Variants in FRMD5 observed in about 807,000 individuals in gnomAD.
FRMD5 encodes the protein FERM domain-containing protein 5.
A neutral mutation model predicts 69.0 loss-of-function variants in FRMD5; 20 were observed. The observed-to-expected ratio is 0.29, with a 90% CI of 0.20 to 0.42. The LOEUF (loss-of-function observed/expected upper bound fraction) is 0.42. FRMD5 is among the 10% of genes least tolerant of loss of function. The pLI is 1.00. For synonymous variants in FRMD5, 271 were observed against 260.1 expected (o/e 1.04, Z -0.40); for missense variants, 595 against 708.6 (o/e 0.84, Z 1.82).
intron 1 of FRMD5, among the ~76,000 whole-genome samples, chr15:44,005,782 C>T (rs1890418593): frequency 6.6e-6 from 1 of 152,106 alleles, no homozygotes; most frequent in African/African-American, 2.4e-5. Flanking sequence ...GAGAAGCCAC[C>T]CCCACCAGAT....
chr15:43,924,398 A>G, intron 1 of FRMD5, 89 bp from the exon 2 acceptor site: 1 of 867,028 alleles, frequency 1.2e-6, no homozygotes, highest in Non-Finnish European at 1.9e-6. Flanking sequence ...GTTGTTTGTA[A>G]CTGTTGCATG....
At chr15:44,060,681 A>G (rs968763761) in intron 1 of FRMD5, among the ~76,000 whole-genome samples, 2 of 152,224 alleles carry the variant, frequency 1.3e-5, no homozygotes, top group African/African-American at 2.4e-5. Context: ...CCATAATGGA[A>G]CAAGAGGGCA....
chr15:44,040,892 C>T (rs1343850710), intron 1 of FRMD5, among the ~76,000 whole-genome samples: 3 of 146,616 alleles, frequency 2.0e-5, no homozygotes, highest in African/African-American at 7.5e-5. Context: ...AGAGTCAAGA[C>T]CCATCAGTGT....
chr15:44,012,681 A>G (rs1171063036), intron 1 of FRMD5, among the ~76,000 whole-genome samples: 1 of 152,004 alleles, frequency 6.6e-6, no homozygotes, highest in African/African-American at 2.4e-5. Flanking sequence ...GTACACTTGC[A>G]GGGTACATAA....
chr15:44,084,135 C>T (rs1406120273), intron 1 of FRMD5, among the ~76,000 whole-genome samples: 1 of 151,994 alleles, frequency 6.6e-6, no homozygotes, highest in Non-Finnish European at 1.5e-5. Context: ...TGTTTAATAA[C>T]CTCTGTATCT....
At chr15:44,081,585 T>A (rs1893997953) in intron 1 of FRMD5, among the ~76,000 whole-genome samples, 1 of 152,098 alleles carries the variant, frequency 6.6e-6, no homozygotes, top group African/African-American at 2.4e-5. Flanking sequence ...TTTACTGAGA[T>A]CCTATGGGAT....
intron 1 of FRMD5, among the ~76,000 whole-genome samples, chr15:44,056,477 G>C (rs1458032967): frequency 2.0e-5 from 3 of 152,126 alleles, no homozygotes; most frequent in Non-Finnish European, 2.9e-5. Flanking sequence ...AGAAACCCAG[G>C]TACCAAGCAA....
At chr15:43,966,556 A>G (rs902726517) in intron 1 of FRMD5, among the ~76,000 whole-genome samples, 2 of 152,188 alleles carry the variant, frequency 1.3e-5, no homozygotes, top group African/African-American at 2.4e-5. Flanking sequence ...ATGGTCTGGA[A>G]GGGTTTAGGA....
At chr15:43,943,677 G>A (rs1368774349) in intron 1 of FRMD5, among the ~76,000 whole-genome samples, 1 of 152,232 alleles carries the variant, frequency 6.6e-6, no homozygotes, top group Non-Finnish European at 1.5e-5. Flanking sequence ...AGGTCAGAAT[G>A]ATGTAGTAAC....
chr15:44,032,731 G>T (rs987398875), intron 1 of FRMD5, among the ~76,000 whole-genome samples: 3 of 152,088 alleles, frequency 2.0e-5, no homozygotes, highest in Non-Finnish European at 2.9e-5. Context: ...TGGAGAAAAG[G>T]GAACACTTAT....
At chr15:44,092,614 C>T (rs1051064376) in intron 1 of FRMD5, among the ~76,000 whole-genome samples, 2 of 152,152 alleles carry the variant, frequency 1.3e-5, no homozygotes, top group Admixed American at 6.6e-5. Context: ...AGGATATGAG[C>T]TAAGTGATCC....
At chr15:44,079,014 C>A (rs905846530) in intron 1 of FRMD5, among the ~76,000 whole-genome samples, 2 of 152,058 alleles carry the variant, frequency 1.3e-5, no homozygotes, top group Non-Finnish European at 2.9e-5. Context: ...ATTTGCAAAT[C>A]ACATATCTAA....
At chr15:44,063,975 T>C (rs566729620) in intron 1 of FRMD5, 1 of 237,484 alleles carries the variant, frequency 4.2e-6, no homozygotes, top group South Asian at 5.9e-5. Context: ...GTACCACCAA[T>C]TGCTCAGTTC....
intron 1 of FRMD5, among the ~76,000 whole-genome samples, chr15:44,038,990 G>T (rs1304649064): frequency 6.6e-6 from 1 of 152,182 alleles, no homozygotes; most frequent in Non-Finnish European, 1.5e-5. Context: ...GAATGCTCAA[G>T]CTTTGTAGGG....
At chr15:44,080,863 C>T (rs1566936119) in intron 1 of FRMD5, among the ~76,000 whole-genome samples, 1 of 152,046 alleles carries the variant, frequency 6.6e-6, no homozygotes, top group African/African-American at 2.4e-5. Flanking sequence ...TGAATTTCCT[C>T]TAAATCTTGG....
chr15:43,882,164 G>A (rs916343727), intron 13 of FRMD5, among the ~76,000 whole-genome samples: 2 of 152,160 alleles, frequency 1.3e-5, no homozygotes, highest in Admixed American at 6.5e-5. Flanking sequence ...TTCCAAGAGC[G>A]CCTCCTAACA....
intron 1 of FRMD5, among the ~76,000 whole-genome samples, chr15:44,073,188 G>A (rs1318727094): frequency 1.3e-5 from 2 of 151,968 alleles, no homozygotes; most frequent in Non-Finnish European, 2.9e-5. Context: ...CCATATTTCA[G>A]GTAAATCTTA....
At chr15:44,087,146 G>A (rs1397002099) in intron 1 of FRMD5, among the ~76,000 whole-genome samples, 1 of 152,066 alleles carries the variant, frequency 6.6e-6, no homozygotes, top group Non-Finnish European at 1.5e-5. Context: ...AGCCTTCCAA[G>A]TAGCTGGGAT....
At chr15:44,023,679 C>A (rs562042999) in intron 1 of FRMD5, among the ~76,000 whole-genome samples, 1 of 152,148 alleles carries the variant, frequency 6.6e-6, no homozygotes, top group South Asian at 2.1e-4. Flanking sequence ...CTCCAGTAGT[C>A]TAAAAACAAA....
Sources: gnomAD v4.1 joint callset for allele counts (sites outside exome capture counted in the v4.1 genomes callset) on GRCh38, gnomAD v4.1.1 for gene constraint, MANE v1.5 for transcripts, NCBI Gene and HGNC (gene_info 2026-07-23, HGNC 2026-07-21) for gene names.